RPS6KL1: variants seen among roughly 807,000 people sequenced by gnomAD.
RPS6KL1 encodes the protein ribosomal protein S6 kinase-like 1.
Under a neutral mutation model 57.0 loss-of-function variants are expected in RPS6KL1, and 41 were observed. The ratio of observed to expected loss-of-function variants is 0.72; its 90% CI spans 0.56 to 0.93. The LOEUF is 0.93. Ranked by LOEUF, RPS6KL1 falls within the 40% of genes least tolerant of loss-of-function variation. The pLI, the probability that RPS6KL1 is intolerant of heterozygous loss-of-function variation, is 0.00. For synonymous variants in RPS6KL1, 287 were observed against 309.7 expected (o/e 0.93, Z 0.77); for missense variants, 697 against 727.7 (o/e 0.96, Z 0.49).
chr14:74,911,321 G>C lies in RPS6KL1; in HGVS notation c.591C>G (p.Val197=). Residue 197 remains valine (V), a synonymous_variant, in exon 7 of 12, where the codon GTC becomes GTG. Coordinates refer to ENST00000557413, the MANE Select transcript of RPS6KL1 (RefSeq NM_031464.5). ...RERLTIIPHG[V]PYMTKLLRYF... is the part of the protein sequence containing the mutation. ...ACCTGAGCAGCTTCGTCATGTAGGG[G>C]ACTCCGTGTGGGATGATGGTCAGCC... 1 of 1,612,142 alleles carries C rather than the reference G, an allele frequency of 6.2e-7. No homozygotes were observed. Among genetic ancestry groups the C allele is most frequent in the Non-Finnish European group, 8.5e-7 (1 of 1,179,968 alleles).
chr14:74,911,863 T>C (rs1304745664), intron 5 of RPS6KL1, 22 bp from the exon 6 acceptor site: 1 of 1,550,958 alleles, frequency 6.4e-7, no homozygotes, highest in Non-Finnish European at 8.7e-7. Context: ...CAAGAGGCAC[T>C]GGTTAAGGCA....
rs768407280 is a variant in RPS6KL1 at position 74,907,117 on chromosome 14, TGCA to T, written c.1544_1546del (p.Leu515del). 73 of 1,609,028 alleles carry T rather than the reference TGCA, an allele frequency of 4.5e-5. No individual in the cohort carries two copies. The highest frequency in any genetic ancestry group is 1.7e-4 in the Middle Eastern group (1 of 6,048). ...GCCCAGGCGCCGGGTAGGCTCGAAC[TGCA>T]GCAGCTGCAGAGAGAGGCCCAGTCA... On this transcript the variant is annotated inframe_deletion, in exon 12 of 12. Transcript: ENST00000557413.
At chr14:74,914,189 C>T (rs1886476203) in intron 5 of RPS6KL1, among the ~76,000 whole-genome samples, 1 of 152,264 alleles carries the variant, frequency 6.6e-6, no homozygotes, top group African/African-American at 2.4e-5. Flanking sequence ...GGTCTCTCCT[C>T]CAACAGCCAG....
intron 5 of RPS6KL1, among the ~76,000 whole-genome samples, chr14:74,915,014 G>A (rs555855906): frequency 3.9e-5 from 6 of 152,254 alleles, no homozygotes; most frequent in South Asian, 2.1e-4. Context: ...GCCCAGCCCC[G>A]CTGACTTCTT....
At chr14:74,921,237 T>C in intron 3 of RPS6KL1, 40 bp downstream of exon 3, 1 of 884,722 alleles carries the variant, frequency 1.1e-6, no homozygotes, top group Non-Finnish European at 1.9e-6. Context: ...GCACTGGCCC[T>C]TCCCCACCCA....
At chr14:74,907,573 G>C in intron 10 of RPS6KL1, 43 bp from the exon 11 acceptor site, 1 of 1,532,038 alleles carries the variant, frequency 6.5e-7, no homozygotes, top group Non-Finnish European at 8.8e-7. Context: ...GCAACCCCAG[G>C]ACCGTCTACA....
At position 74,919,827 on chromosome 14, in the gene RPS6KL1, T is replaced by TAG; in HGVS notation, c.390+17_390+18insCT. ...CCCTCCTCCCGCTCAGGCCTTTGGG[T>TAG]GGGGGGGGTCTCCTCACCGCGCTGG... On this transcript the variant is annotated intron_variant, in intron 4 of 11. Transcript: ENST00000557413. 1.3e-6 allele frequency: 2 copies of TAG among 1,586,444 alleles called. No homozygotes were observed. Among genetic ancestry groups the TAG allele is most frequent in the Non-Finnish European group, 1.7e-6 (2 of 1,161,838 alleles).
intron 6 of RPS6KL1, 97 bp downstream of exon 6, chr14:74,911,697 G>C (rs138701911): frequency 9.4e-6 from 11 of 1,164,392 alleles, no homozygotes; most frequent in African/African-American, 4.6e-5. Flanking sequence ...GTGGGAGGGA[G>C]TGCAGGCTTC....
chr14:74,910,282 C>A, intron 7 of RPS6KL1, 134 bp from the exon 8 acceptor site: 1 of 1,026,034 alleles, frequency 9.7e-7, no homozygotes, highest in Non-Finnish European at 1.4e-6. Flanking sequence ...TGGCCTAGTT[C>A]AGCCCCTCAC....
In RPS6KL1 at chr14:74,910,869, GCTT is replaced by G. The variant is rs1254775418; in HGVS notation, c.664+376_664+378del. 1.4e-5 allele frequency: 3 copies of G among 207,268 alleles called. No individual in the cohort carries two copies. In the East Asian group the frequency reaches 3.2e-4, roughly 22 times the overall value. The allele number at this position is 207,268 out of a possible 1,614,324, so 12.8% of individuals were successfully genotyped here. A position where few individuals can be genotyped will look rare whatever the true frequency, so the allele number is the denominator to read the frequency against. On this transcript the variant is annotated intron_variant, in intron 7 of 11. Transcript: ENST00000557413. The stretch of plus-strand genomic sequence containing the variant: ...AAGCTCCGCCCCTCCCCAGGGCTCA[GCTT>G]TTTTTTTTTTTTTTTTTGAGGCGGA...
At position 74,904,178 on chromosome 14, in the gene RPS6KL1, CAT is replaced by C. The variant is rs1884434092; in HGVS notation, c.*2834_*2835del. 1 of 152,150 alleles carries C rather than the reference CAT, an allele frequency of 6.6e-6. No individual in the cohort carries two copies. Among genetic ancestry groups the C allele is most frequent in the South Asian group, 2.1e-4 (1 of 4,828 alleles). The allele number at this position is 152,150 out of a possible 1,614,324, so 9.4% of individuals were successfully genotyped here. A position where few individuals can be genotyped will look rare whatever the true frequency, so the allele number is the denominator to read the frequency against. On this transcript the variant is annotated 3_prime_UTR_variant, in exon 12 of 12. Coordinates refer to ENST00000557413, the MANE Select transcript of RPS6KL1 (RefSeq NM_031464.5). ...ACAGCTCAAGACCTGGGGATGTTGT[CAT>C]AGGCAGAATCAAAGATTTTCTGATT...
chr14:74,922,236 G>A lies in RPS6KL1; in HGVS notation c.-279C>T. On this transcript the variant is annotated 5_prime_UTR_variant, in exon 2 of 12. Coordinates refer to ENST00000557413, the MANE Select transcript of RPS6KL1 (RefSeq NM_031464.5). The stretch of plus-strand genomic sequence containing the variant: ...AAGCTTGGTATCCAGTACGCATTCA[G>A]CACATGGAGGCCACACACGCTGGGC... The A allele has an allele frequency of 1.0e-6, 1 of 986,070 alleles. No individual in the cohort carries two copies. Among genetic ancestry groups the A allele is most frequent in the South Asian group, 4.7e-5 (1 of 21,306 alleles). 61.1% of individuals were successfully genotyped at this position (986,070 alleles called of 1,614,324 possible). A position where few individuals can be genotyped will look rare whatever the true frequency, so the allele number is the denominator to read the frequency against.
Position 74,909,792 on chromosome 14 carries a change from G to C in RPS6KL1, c.1021C>G (p.Pro341Ala). ...GGAACCCAAGTGAGCCCCCGAGGGG[G>C]CCCAGCGTCTGAGTTCTGGCCAGCC... ...RRAGQNSDAGPPRGLTWVPEG... is the reference protein window; with the variant it reads ...RRAGQNSDAGAPRGLTWVPEG... Residue 341 changes from proline to alanine, a missense_variant, in exon 8 of 12, where the codon CCC becomes GCC. Physicochemically the swap from Pro to Ala is conservative, Grantham distance 27 (BLOSUM62 -1). Coordinates refer to ENST00000557413, the MANE Select transcript of RPS6KL1 (RefSeq NM_031464.5). 6.2e-7 allele frequency: 1 copy of C among 1,605,844 alleles called. No individual in the cohort carries two copies. Among genetic ancestry groups the C allele is most frequent in the Non-Finnish European group, 8.5e-7 (1 of 1,176,274 alleles).
At chr14:74,919,412 T>TGC (rs1254571629) in intron 4 of RPS6KL1, among the ~76,000 whole-genome samples, 1 of 152,204 alleles carries the variant, frequency 6.6e-6, no homozygotes, top group Non-Finnish European at 1.5e-5. Context: ...ACTGTGTGTG[T>TGC]GCACATACAT....
In RPS6KL1 at chr14:74,907,541, A is replaced by C; in HGVS notation, c.1444-11T>G. ...GCTCTGGGACAGTGCCTGGGAGGAC[A>C]CAGGGAAGGGCCTCTGAGGAGGCAA... is the stretch of plus-strand genomic sequence containing the variant. On this transcript the variant is annotated splice_polypyrimidine_tract_variant and intron_variant, in intron 10 of 11. Transcript: ENST00000557413. 5.8e-6 allele frequency: 9 copies of C among 1,562,926 alleles called. No homozygotes were observed. Among genetic ancestry groups the C allele is most frequent in the Non-Finnish European group, 7.8e-6 (9 of 1,153,010 alleles).
chr14:74,916,874 G>A (rs997649279), intron 5 of RPS6KL1, among the ~76,000 whole-genome samples: 1 of 152,170 alleles, frequency 6.6e-6, no homozygotes, highest in Non-Finnish European at 1.5e-5. Context: ...ACTTCAACTC[G>A]CTGTTTTCCT....
At position 74,911,861 on chromosome 14, in the gene RPS6KL1, A is replaced by C. The variant is rs1227614374; in HGVS notation, c.484-20T>G. On this transcript the variant is annotated intron_variant, in intron 5 of 11. Coordinates refer to ENST00000557413, the MANE Select transcript of RPS6KL1 (RefSeq NM_031464.5). ...CTGCACCTGCCAAAGTCCAAGAGGC[A>C]CTGGTTAAGGCAGGTACTAGCTCCT... The C allele has an allele frequency of 3.9e-6, 6 of 1,551,378 alleles. No homozygotes were observed. Among genetic ancestry groups the C allele is most frequent in the Admixed American group, 2.0e-5 (1 of 51,070 alleles).
chr14:74,923,226 G>C lies in RPS6KL1; in HGVS notation c.-575C>G, dbSNP rs954517961. On this transcript the variant is annotated 5_prime_UTR_variant, in exon 1 of 12. Coordinates refer to ENST00000557413, the MANE Select transcript of RPS6KL1 (RefSeq NM_031464.5). ...TCCGCGGGCCAGGCCTCCCCCTCACGTACCGGCCCTTCACGCCAGAGCGCG... is the reference window on the plus strand; with the variant it reads ...TCCGCGGGCCAGGCCTCCCCCTCACCTACCGGCCCTTCACGCCAGAGCGCG... 4 of 152,232 alleles carry C rather than the reference G, an allele frequency of 2.6e-5. No homozygotes were observed. The highest frequency in any genetic ancestry group is 5.9e-5 in the Non-Finnish European group (4 of 68,074). 9.4% of individuals were successfully genotyped at this position (152,232 alleles called of 1,614,324 possible). A position where few individuals can be genotyped will look rare whatever the true frequency, so the allele number is the denominator to read the frequency against.
chr14:74,917,872 C>T (rs1566831138), intron 5 of RPS6KL1, among the ~76,000 whole-genome samples: 2 of 152,238 alleles, frequency 1.3e-5, no homozygotes, highest in South Asian at 2.1e-4. Context: ...CAGCTGTGCT[C>T]GGTAGAGCGT....
Sources: allele counts gnomAD v4.1 joint callset (sites outside exome capture counted in the v4.1 genomes callset), GRCh38; gene constraint gnomAD v4.1.1; transcripts MANE v1.5; gene names NCBI Gene and HGNC (gene_info 2026-07-23, HGNC 2026-07-21).